ETV6: variants seen among roughly 807,000 people sequenced by gnomAD.
The protein encoded by ETV6 is ETS variant transcription factor 6.
ETV6 carries 16 observed loss-of-function variants against 51.1 expected under a neutral mutation model. The ratio of observed to expected loss-of-function variants is 0.31; its 90% CI spans 0.21 to 0.48. ETV6 has a LOEUF of 0.48. Ranked by LOEUF, ETV6 falls within the 20% of genes least tolerant of loss-of-function variation. The pLI is 0.99. For missense variants in ETV6, 458 were observed against 594.8 expected (o/e 0.77, Z 2.39); for synonymous variants, 240 against 224.1 (o/e 1.07, Z -0.64).
intron 5 of ETV6, among the ~76,000 whole-genome samples, chr12:11,871,930 T>TC (rs748116235): frequency 7.2e-5 from 11 of 152,206 alleles, no homozygotes; most frequent in Admixed American, 2.6e-4. Context: ...CATGTGAATT[T>TC]CCCCAAATAA....
chr12:11,747,338 C>T (rs924717984), intron 1 of ETV6, among the ~76,000 whole-genome samples: 2 of 152,160 alleles, frequency 1.3e-5, no homozygotes, highest in African/African-American at 4.8e-5. Context: ...CACTGGACAC[C>T]AAGAAGAAAG....
At chr12:11,818,532 A>G (rs1946029026) in intron 2 of ETV6, among the ~76,000 whole-genome samples, 1 of 85,530 alleles carries the variant, frequency 1.2e-5, no homozygotes, top group Admixed American at 1.3e-4. Flanking sequence ...ACTCTGTCTC[A>G]AAAAAAAAAA....
At chr12:11,776,809 C>T (rs565283402) in intron 2 of ETV6, among the ~76,000 whole-genome samples, 5 of 152,304 alleles carry the variant, frequency 3.3e-5, no homozygotes, top group Admixed American at 6.5e-5. Flanking sequence ...TTCTAATAAC[C>T]CATCCCTAGG....
At chr12:11,766,422 T>C (rs1002292601) in intron 2 of ETV6, among the ~76,000 whole-genome samples, 1 of 152,142 alleles carries the variant, frequency 6.6e-6, no homozygotes, top group African/African-American at 2.4e-5. Flanking sequence ...AGCCCTATTA[T>C]ACTCCCTCAC....
At chr12:11,855,108 A>C (rs1946611535) in intron 4 of ETV6, among the ~76,000 whole-genome samples, 1 of 149,806 alleles carries the variant, frequency 6.7e-6, no homozygotes, top group South Asian at 2.1e-4. Context: ...GTCCTGGCTA[A>C]CATGGTGAAA....
In ETV6 at chr12:11,818,471, T is replaced by C. The variant is rs1026384704; in HGVS notation, c.164-20669T>C. ...TGAACCTGGGAGGCGGAGGTTGCAA[T>C]GGCCTGGGATTGTGCCACTGCACCC... On this transcript the variant is annotated intron_variant, in intron 2 of 7. Coordinates refer to ENST00000396373, the MANE Select transcript of ETV6 (RefSeq NM_001987.5). Among the ~76,000 whole-genome samples the C allele has an allele frequency of 2.6e-4, 38 of 145,446 alleles. No homozygotes were observed. In the Admixed American group the frequency reaches 2.7e-3, roughly 10 times the overall value.
intron 2 of ETV6, among the ~76,000 whole-genome samples, chr12:11,834,692 G>C (rs1457645464): frequency 6.6e-6 from 1 of 152,194 alleles, no homozygotes; most frequent in Non-Finnish European, 1.5e-5. Flanking sequence ...TCTGTCTTCT[G>C]TGATTCAGAA....
intron 1 of ETV6, among the ~76,000 whole-genome samples, chr12:11,725,910 C>T (rs111317670): frequency 2.5e-4 from 38 of 152,296 alleles, no homozygotes; most frequent in African/African-American, 8.7e-4. Context: ...CTTCCTGTAG[C>T]GCCTGTAGAA....
intron 3 of ETV6, among the ~76,000 whole-genome samples, chr12:11,851,530 G>A (rs922270820): frequency 2.6e-5 from 4 of 152,154 alleles, no homozygotes; most frequent in African/African-American, 7.2e-5. Flanking sequence ...AATGAATTCC[G>A]AAGCCGTTCT....
intron 1 of ETV6, among the ~76,000 whole-genome samples, chr12:11,745,180 T>A (rs1038670575): frequency 6.6e-6 from 1 of 152,204 alleles, no homozygotes; most frequent in Non-Finnish European, 1.5e-5. Flanking sequence ...ACCCACACTG[T>A]AATTTATAAG....
intron 2 of ETV6, among the ~76,000 whole-genome samples, chr12:11,784,023 TC>T (rs987028117): frequency 2.0e-5 from 3 of 151,046 alleles, no homozygotes; most frequent in East Asian, 1.9e-4. Context: ...CTGTGTGGTT[TC>T]CCCCTGTGCT....
At chr12:11,754,325 A>AT (rs1944974714) in intron 2 of ETV6, among the ~76,000 whole-genome samples, 1 of 152,324 alleles carries the variant, frequency 6.6e-6, no homozygotes, top group South Asian at 2.1e-4. Flanking sequence ...AAAAAAAAGT[A>AT]TCAAACACTC....
chr12:11,723,026 T>C (rs543899835), intron 1 of ETV6, among the ~76,000 whole-genome samples: 1 of 152,348 alleles, frequency 6.6e-6, no homozygotes, highest in Non-Finnish European at 1.5e-5. Flanking sequence ...AATGAGAAGC[T>C]GAGCTCCGAA....
At chr12:11,800,498 C>T (rs1945731060) in intron 2 of ETV6, among the ~76,000 whole-genome samples, 1 of 152,142 alleles carries the variant, frequency 6.6e-6, no homozygotes, top group Admixed American at 6.5e-5. Context: ...TACAACAGAT[C>T]TCCTGAGCTT....
At chr12:11,848,115 A>G (rs1302374509) in intron 3 of ETV6, among the ~76,000 whole-genome samples, 1 of 152,208 alleles carries the variant, frequency 6.6e-6, no homozygotes, top group Non-Finnish European at 1.5e-5. Flanking sequence ...GCTTATGACA[A>G]TTGCAAGAGA....
intron 1 of ETV6, among the ~76,000 whole-genome samples, chr12:11,736,179 A>G (rs190496078): frequency 1.1e-4 from 16 of 152,338 alleles, no homozygotes; most frequent in Non-Finnish European, 2.1e-4. Flanking sequence ...TGCCAGGCAC[A>G]TATTTGCTGA....
chr12:11,740,353 T>C (rs747130664), intron 1 of ETV6, among the ~76,000 whole-genome samples: 3 of 152,240 alleles, frequency 2.0e-5, no homozygotes, highest in Non-Finnish European at 4.4e-5. Flanking sequence ...TGTTAAACTT[T>C]CCAGATTTTC....
intron 7 of ETV6, among the ~76,000 whole-genome samples, 169 bp downstream of exon 7, chr12:11,886,195 T>C (rs1565568322): frequency 6.6e-6 from 1 of 152,162 alleles, no homozygotes; most frequent in African/African-American, 2.4e-5. Context: ...TTAAGGAAAA[T>C]ATTTTTTTAA....
In ETV6 at chr12:11,869,080, A is replaced by C. The variant is rs529158297; in HGVS notation, c.464-344A>C. On this transcript the variant is annotated intron_variant, in intron 4 of 7. Coordinates refer to ENST00000396373, the MANE Select transcript of ETV6 (RefSeq NM_001987.5). This position sits in a 1 kb window ranked among gnomAD's most constrained non-coding sequence, Gnocchi z 5.0. ...TGAAACCCCATCTCTACTAAAAATA[A>C]AAAAAATTAGCCGAGCATGGTGGTG... 8.4e-4 allele frequency among the ~76,000 whole-genome samples: 128 copies of C among 151,984 alleles called. No homozygotes were observed. Among genetic ancestry groups the C allele is most frequent in the African/African-American group, 2.9e-3 (119 of 41,460 alleles).
Sources: allele counts gnomAD v4.1 joint callset (sites outside exome capture counted in the v4.1 genomes callset), GRCh38; gene constraint gnomAD v4.1.1; non-coding constraint Gnocchi (gnomAD v3.1); transcripts MANE v1.5; gene names NCBI Gene and HGNC (gene_info 2026-07-23, HGNC 2026-07-21).